Variants in SSX3 observed in about 807,000 individuals in gnomAD.
SSX3 encodes the protein SSX family member 3.
A neutral mutation model predicts 14.8 loss-of-function variants in SSX3; 6 were observed. That is an observed-to-expected ratio of 0.41 (90% CI 0.22 to 0.80). The LOEUF (loss-of-function observed/expected upper bound fraction) is 0.80, where lower values mean the gene tolerates loss of function less well. Ranked by LOEUF, SSX3 falls within the 30% of genes least tolerant of loss-of-function variation. SSX3 has a pLI of 0.34. For synonymous variants in SSX3, 55 were observed against 52.9 expected (o/e 1.04, Z -0.18); for missense variants, 163 against 152.2 (o/e 1.07, Z -0.37).
At chrX:48,347,173 G>T in intron 7 of SSX3, 138 bp from the exon 8 acceptor site, 1 of 851,887 alleles carries the variant, frequency 1.2e-6, no homozygotes, top group Admixed American at 2.3e-5. Context: ...ACCTTCCACG[G>T]TTCCTCGAAG....
intron 4 of SSX3, among the ~76,000 whole-genome samples, chrX:48,352,834 G>T (rs1387999499): frequency 8.9e-6 from 1 of 111,943 alleles, no homozygotes; most frequent in African/African-American, 3.2e-5. Flanking sequence ...CTCTACCCAA[G>T]AACCTGTCTT....
intron 3 of SSX3, among the ~76,000 whole-genome samples, chrX:48,354,410 G>A (rs2061276954): frequency 9.1e-6 from 1 of 109,510 alleles, no homozygotes; most frequent in Non-Finnish European, 1.9e-5. Context: ...AAGCCTAAGA[G>A]AGAGAAACGT....
intron 7 of SSX3, 78 bp downstream of exon 7, chrX:48,347,422 G>C (rs1174151378): frequency 8.5e-7 from 1 of 1,180,073 alleles, no homozygotes; most frequent in African/African-American, 1.8e-5. Context: ...TGGGGAGCAA[G>C]TGACAGATGG....
chrX:48,348,486 A>C (rs1201081423), intron 6 of SSX3: 3 of 507,333 alleles, frequency 5.9e-6, no homozygotes, highest in African/African-American at 4.7e-5. Context: ...ATTATTAACA[A>C]CCTTACAATG....
rs782255604 is a variant in SSX3 at position 48,350,065 on chromosome X, A to G, written c.388T>C (p.Ser130Pro). Residue 130 changes from serine (S) to proline (P), a missense_variant, in exon 6 of 8, where the codon TCT becomes CCT. Ser to Pro is a moderately conservative substitution (Grantham distance 74). Coordinates refer to ENST00000298396, the MANE Select transcript of SSX3 (RefSeq NM_021014.4). ...TGTTTCCCATCGTTTTGTGGGCCAG[A>G]TGCTTCTGGCACTTCCTTCGAAACA... ...GNVSKEVPEA[S>P]GPQNDGKQLC... is the part of the protein sequence containing the mutation. 1.7e-6 allele frequency: 2 copies of G among 1,211,681 alleles called. No homozygotes were observed. The highest frequency in any genetic ancestry group is 3.0e-5 in the East Asian group (1 of 33,833).
chrX:48,349,600 A>G (rs782697843), intron 6 of SSX3: 1 of 1,207,600 alleles, frequency 8.3e-7, no homozygotes, highest in East Asian at 3.0e-5. Context: ...GTATTGGGTA[A>G]CAGGCATTGA....
intron 6 of SSX3, 39 bp from the exon 7 acceptor site, chrX:48,347,643 G>T: frequency 8.3e-7 from 1 of 1,208,311 alleles, no homozygotes; most frequent in African/African-American, 1.7e-5. Flanking sequence ...GGTTGGGTAG[G>T]TTGGAGAGTG....
At chrX:48,351,324 C>G (rs1556949814) in intron 5 of SSX3, among the ~76,000 whole-genome samples, 1 of 111,854 alleles carries the variant, frequency 8.9e-6, no homozygotes, top group East Asian at 2.8e-4. Flanking sequence ...GAGGGATCCC[C>G]TGGGCTGGGA....
intron 2 of SSX3, 182 bp downstream of exon 2, chrX:48,354,999 C>T: frequency 1.3e-6 from 1 of 754,285 alleles, no homozygotes; most frequent in Non-Finnish European, 1.6e-6. Context: ...AGTGCAAGGT[C>T]ACAGACTTGT....
chrX:48,350,432 T>C (rs2061257111), intron 5 of SSX3, among the ~76,000 whole-genome samples: 1 of 111,370 alleles, frequency 9.0e-6, no homozygotes, highest in Non-Finnish European at 1.9e-5. Flanking sequence ...AGAGTAGCAT[T>C]CTAAGAATTC....
chrX:48,350,080 C>G lies in SSX3; in HGVS notation c.373G>C (p.Glu125Gln), dbSNP rs1394365513. Reference sequence around the variant, plus strand: ...TGTGGGCCAGATGCTTCTGGCACTTCCTTCGAAACATTTCCTTCCTCTGCT... The same window carrying G: ...TGTGGGCCAGATGCTTCTGGCACTTGCTTCGAAACATTTCCTTCCTCTGCT... ...KPAEEGNVSKEVPEASGPQND... is the reference protein window; with the variant it reads ...KPAEEGNVSKQVPEASGPQND... Residue 125 changes from glutamate to glutamine, a missense_variant, in exon 6 of 8, where the codon GAA becomes CAA. Transcript: ENST00000298396. 1 of 1,210,125 alleles carries G rather than the reference C, an allele frequency of 8.3e-7. No individual in the cohort carries two copies. Among genetic ancestry groups the G allele is most frequent in the Non-Finnish European group, 1.1e-6 (1 of 895,309 alleles).
chrX:48,354,199 G>T lies in SSX3; in HGVS notation c.185-105C>A, dbSNP rs1314687642. ...TTTGGGAGGCTAAGGCTGGAGGATT[G>T]CTTGAGGCCAGGAATTCAAGGCTGC... On this transcript the variant is annotated intron_variant, in intron 3 of 7. Coordinates refer to ENST00000298396, the MANE Select transcript of SSX3 (RefSeq NM_021014.4). 5.6e-6 allele frequency: 4 copies of T among 718,291 alleles called. No homozygotes were observed. The Admixed American group carries it at 9.8e-5, about 18-fold the overall frequency. 59.2% of individuals were successfully genotyped at this position (718,291 alleles called of 1,213,427 possible). A position where few individuals can be genotyped will look rare whatever the true frequency, so the allele number is the denominator to read the frequency against.
intron 6 of SSX3, chrX:48,349,640 C>T: frequency 8.3e-7 from 1 of 1,198,955 alleles, no homozygotes; most frequent in Non-Finnish European, 1.1e-6. Context: ...CAGGTTATCA[C>T]AGATAGAATC....
chrX:48,350,027 C>T lies in SSX3; in HGVS notation c.426G>A (p.Pro142=), dbSNP rs6651589. ...PQNDGKQLCP[P]GKPTTSEKIN... is the part of the protein sequence containing the mutation. ...TCTTCTCAGAGGTAGTTGGTTTTCC[C>T]GGGGGGCACAGCTGTTTCCCATCGT... Residue 142 remains proline (P), a synonymous_variant, in exon 6 of 8, where the codon CCG becomes CCA. Transcript: ENST00000298396. The T allele has an allele frequency of 1.8e-3, 2,141 of 1,209,617 alleles. 29 individuals are homozygous for T. In the African/African-American group the frequency reaches 0.033, roughly 18 times the overall value.
intron 3 of SSX3, among the ~76,000 whole-genome samples, 191 bp from the exon 4 acceptor site, chrX:48,354,285 C>CAAAA (rs370532904): frequency 2.5e-5 from 1 of 40,028 alleles, no homozygotes; most frequent in African/African-American, 9.5e-5. Flanking sequence ...CTGACTCAAA[C>CAAAA]AAAAAAAAAA....
intron 6 of SSX3, chrX:48,349,504 T>C (rs781852749): frequency 6.6e-6 from 8 of 1,205,046 alleles, no homozygotes; most frequent in Middle Eastern, 6.5e-4. Flanking sequence ...TAACGTTTTA[T>C]GCACTGTCAA....
At chrX:48,347,094 C>T in intron 7 of SSX3, 59 bp from the exon 8 acceptor site, 1 of 1,175,298 alleles carries the variant, frequency 8.5e-7, no homozygotes, top group Non-Finnish European at 1.1e-6. Flanking sequence ...CGTGACAACT[C>T]AATCTCAACT....
Position 48,355,223 on chromosome X carries a change from C to T in SSX3, c.27G>A (p.Arg9=), listed in dbSNP as rs781972727. The T allele has an allele frequency of 2.5e-6, 3 of 1,209,718 alleles. No homozygotes were observed. Among genetic ancestry groups the T allele is most frequent in the Non-Finnish European group, 2.2e-6 (2 of 895,060 alleles). Reference sequence around the variant, plus strand: ...GTATTTGAGCACCAACCGTGGGTCTCCTTGCAAAGGTGTCATCTCCGTTCA... The same window carrying T: ...GTATTTGAGCACCAACCGTGGGTCTTCTTGCAAAGGTGTCATCTCCGTTCA... The part of the protein sequence containing the change: MNGDDTFA[R]RPTVGAQIPE... Residue 9 remains arginine, a synonymous_variant, in exon 2 of 8, where the codon AGG becomes AGA. Coordinates refer to ENST00000298396, the MANE Select transcript of SSX3 (RefSeq NM_021014.4).
chrX:48,355,210 C>T lies in SSX3; in HGVS notation c.40G>A (p.Gly14Ser). The T allele has an allele frequency of 5.0e-6, 6 of 1,211,403 alleles. No individual in the cohort carries two copies. The highest frequency in any genetic ancestry group is 6.7e-6 in the Non-Finnish European group (6 of 895,259). Reference sequence around the variant, plus strand: ...TGTATCTTCTCTGGTATTTGAGCACCAACCGTGGGTCTCCTTGCAAAGGTG... The same window carrying T: ...TGTATCTTCTCTGGTATTTGAGCACTAACCGTGGGTCTCCTTGCAAAGGTG... ...DDTFARRPTV[G>S]AQIPEKIQKA... Residue 14 changes from glycine (G) to serine (S), a missense_variant, in exon 2 of 8, where the codon GGT becomes AGT. Transcript: ENST00000298396.
Sources: gnomAD v4.1 joint callset for allele counts (sites outside exome capture counted in the v4.1 genomes callset) on GRCh38, gnomAD v4.1.1 for gene constraint, MANE v1.5 for transcripts, NCBI Gene and HGNC (gene_info 2026-07-23, HGNC 2026-07-21) for gene names.